BCAT1: variants seen among roughly 807,000 people sequenced by gnomAD.
BCAT1 encodes branched chain amino acid transaminase 1, also known as branched-chain-amino-acid aminotransferase, cytosolic.
In BCAT1, 48 loss-of-function variants were observed where a neutral mutation model predicts 52.4. That is an observed-to-expected ratio of 0.92 (90% CI 0.73 to 1.16). The LOEUF (loss-of-function observed/expected upper bound fraction) is 1.16. BCAT1 is among the 50% of genes most tolerant of loss of function. The probability of loss-of-function intolerance (pLI) is 0.00; values close to 1 mark genes in which losing one functional copy is unlikely to be tolerated. For synonymous variants in BCAT1, 167 were observed against 161.3 expected (o/e 1.04, Z -0.27); for missense variants, 451 against 457.1 (o/e 0.99, Z 0.12).
chr12:24,857,284 T>G (rs752565676), intron 5 of BCAT1, among the ~76,000 whole-genome samples: 6 of 152,236 alleles, frequency 3.9e-5, no homozygotes, highest in Non-Finnish European at 7.3e-5. Flanking sequence ...TTGTAAAAAC[T>G]GCTTACCACC....
At chr12:24,896,958 G>C (rs985494195) in intron 2 of BCAT1, among the ~76,000 whole-genome samples, 1 of 152,184 alleles carries the variant, frequency 6.6e-6, no homozygotes, top group African/African-American at 2.4e-5. Flanking sequence ...GATTTAAAGA[G>C]AGTGAAATTC....
At chr12:24,903,312 G>C (rs1159783214) in intron 1 of BCAT1, 2 of 332,424 alleles carry the variant, frequency 6.0e-6, no homozygotes, top group Admixed American at 9.9e-5. Context: ...GATATTTCGC[G>C]AGCATCCTTG....
At chr12:24,832,623 T>C in intron 9 of BCAT1, 100 bp downstream of exon 9, 1 of 1,345,906 alleles carries the variant, frequency 7.4e-7, no homozygotes, top group Non-Finnish European at 9.9e-7. Flanking sequence ...AACTTTTGCA[T>C]CTTGGGTCTG....
At chr12:24,890,284 C>T (rs1450592206) in intron 3 of BCAT1, among the ~76,000 whole-genome samples, 4 of 152,250 alleles carry the variant, frequency 2.6e-5, no homozygotes, top group Middle Eastern at 3.4e-3. Flanking sequence ...GGATCTGACA[C>T]TATTTCCAGG....
chr12:24,816,415 C>A lies in BCAT1; in HGVS notation c.*1593G>T. 2.5e-6 allele frequency: 1 copy of A among 397,386 alleles called. No individual in the cohort carries two copies. 24.6% of individuals were successfully genotyped at this position (397,386 alleles called of 1,614,324 possible). ...ATGTTTTCTGTCAAGATTTGACTTT[C>A]CTTAGATAAACCACAAAGGATACAA... On this transcript the variant is annotated 3_prime_UTR_variant, in exon 11 of 11. Coordinates refer to ENST00000261192, the MANE Select transcript of BCAT1 (RefSeq NM_005504.7).
chr12:24,937,030 A>G (rs1440924573), intron 1 of BCAT1, among the ~76,000 whole-genome samples: 1 of 152,126 alleles, frequency 6.6e-6, no homozygotes. Flanking sequence ...ATTGGACGAC[A>G]TATGGTTGCA....
intron 2 of BCAT1, among the ~76,000 whole-genome samples, chr12:24,895,730 G>T (rs1162889052): frequency 6.6e-6 from 1 of 151,944 alleles, no homozygotes; most frequent in Non-Finnish European, 1.5e-5. Context: ...TACATCATCA[G>T]CTCTTATCAT....
chr12:24,900,581 C>A (rs1357532062), intron 2 of BCAT1, among the ~76,000 whole-genome samples: 1 of 152,060 alleles, frequency 6.6e-6, no homozygotes, highest in African/African-American at 2.4e-5. Context: ...GAACAAGACT[C>A]TGTCTCAAAA....
chr12:24,834,865 G>C lies in BCAT1; in HGVS notation c.903+1646C>G. The C allele has an allele frequency of 3.2e-6, 3 of 932,022 alleles. No individual in the cohort carries two copies. In the East Asian group the frequency reaches 3.1e-4, roughly 97 times the overall value. The allele number at this position is 932,022 out of a possible 1,614,324, so 57.7% of individuals were successfully genotyped here. A position where few individuals can be genotyped will look rare whatever the true frequency, so the allele number is the denominator to read the frequency against. ...AAATAAGCAGAATTGTTTTTGCTCT[G>C]CTCACCCTTACTTATCTTTGGACAA... is the stretch of plus-strand genomic sequence containing the variant. On this transcript the variant is annotated intron_variant, in intron 8 of 10. Transcript: ENST00000261192.
intron 1 of BCAT1, among the ~76,000 whole-genome samples, chr12:24,941,392 C>G (rs1239396673): frequency 6.6e-6 from 1 of 152,186 alleles, no homozygotes; most frequent in Non-Finnish European, 1.5e-5. Flanking sequence ...AAATACTTTA[C>G]TGTTCTCTGT....
intron 1 of BCAT1, among the ~76,000 whole-genome samples, chr12:24,942,137 G>T (rs1039827228): frequency 6.6e-6 from 1 of 152,210 alleles, no homozygotes; most frequent in Non-Finnish European, 1.5e-5. Flanking sequence ...CAAGCGAGAA[G>T]TAATGAGAGC....
chr12:24,828,481 TGTACTGTCCA>T (rs1408817949), intron 10 of BCAT1, among the ~76,000 whole-genome samples: 1 of 152,166 alleles, frequency 6.6e-6, no homozygotes, highest in Non-Finnish European at 1.5e-5. Context: ...TAATCGAGGA[TGTACTGTCCA>T]TACTAGTGAA....
chr12:24,850,081 T>C (rs1941461956), intron 5 of BCAT1, 132 bp from the exon 6 acceptor site: 1 of 868,820 alleles, frequency 1.2e-6, no homozygotes, highest in East Asian at 2.8e-5. Flanking sequence ...ACTTTTAAAA[T>C]TGAGTTACAC....
chr12:24,829,944 T>C (rs770209411), intron 9 of BCAT1, 47 bp from the exon 10 acceptor site: 1 of 1,418,406 alleles, frequency 7.1e-7, no homozygotes, highest in South Asian at 1.3e-5. Context: ...CTCATGTATA[T>C]GGTGATAACA....
chr12:24,842,097 T>C lies in BCAT1; in HGVS notation c.802A>G (p.Ile268Val). ...VGTMNLFLYW[I>V]NEDGEEELAT... ...AGTGGATTACCTCCATCTTCATTTA[T>C]CCAGTAAAGAAAAAGATTCATAGTT... Residue 268 changes from isoleucine to valine, a missense_variant, in exon 7 of 11, where the codon ATA (isoleucine) becomes GTA (valine). Physicochemically the swap from Ile to Val is conservative, Grantham distance 29. Transcript: ENST00000261192. 6.2e-7 allele frequency: 1 copy of C among 1,613,820 alleles called. No individual in the cohort carries two copies. The highest frequency in any genetic ancestry group is 1.1e-5 in the South Asian group (1 of 91,072).
intron 5 of BCAT1, among the ~76,000 whole-genome samples, chr12:24,865,603 T>C (rs1460863005): frequency 9.6e-6 from 1 of 104,142 alleles, no homozygotes; most frequent in African/African-American, 2.9e-5. Flanking sequence ...TGAAATTATA[T>C]TGGCTGTGTG....
At chr12:24,822,699 A>T (rs997592846) in intron 10 of BCAT1, among the ~76,000 whole-genome samples, 1 of 152,162 alleles carries the variant, frequency 6.6e-6, no homozygotes. Flanking sequence ...TTGTTACTAA[A>T]CAATTTGTAG....
At chr12:24,858,734 C>T (rs1052948030) in intron 5 of BCAT1, among the ~76,000 whole-genome samples, 1 of 152,054 alleles carries the variant, frequency 6.6e-6, no homozygotes, top group Non-Finnish European at 1.5e-5. Flanking sequence ...TTGAGGCTAC[C>T]AGAGAAACAG....
chr12:24,925,897 T>A lies in BCAT1; in HGVS notation c.6+23030A>T, dbSNP rs1027937484. 2.6e-5 allele frequency among the ~76,000 whole-genome samples: 4 copies of A among 152,344 alleles called. No homozygotes were observed. The South Asian group carries it at 6.2e-4, about 24-fold the overall frequency. On this transcript the variant is annotated intron_variant, in intron 1 of 10. Coordinates refer to ENST00000261192, the MANE Select transcript of BCAT1 (RefSeq NM_005504.7). Reference sequence around the variant, plus strand: ...GGAGTCTCGTTCACTCAGTGCTCAATGTTGCCCAAGCTGGAGTGTAGTGGC... The same window carrying A: ...GGAGTCTCGTTCACTCAGTGCTCAAAGTTGCCCAAGCTGGAGTGTAGTGGC...
Sources: allele counts gnomAD v4.1 joint callset (sites outside exome capture counted in the v4.1 genomes callset), GRCh38; gene constraint gnomAD v4.1.1; transcripts MANE v1.5; gene names NCBI Gene and HGNC (gene_info 2026-07-23, HGNC 2026-07-21).